The following SOX5 variants were observed in gnomAD, a reference collection of about 807,000 sequenced individuals.
SOX5 encodes transcription factor SOX-5.
Under a neutral mutation model 92.0 loss-of-function variants are expected in SOX5, and 9 were observed. The ratio of observed to expected loss-of-function variants is 0.10; its 90% confidence interval spans 0.06 to 0.17. SOX5 has a LOEUF of 0.17. Among genes scored for constraint, SOX5 ranks in the 10% least tolerant of loss-of-function variants. The pLI is 1.00. For missense variants in SOX5, 642 were observed against 944.5 expected, an observed-to-expected ratio of 0.68 and a Z score of 4.20; for synonymous variants, 344 against 336.3, an observed-to-expected ratio of 1.02 and a Z score of -0.25.
At chr12:23,797,815 T>C (rs944311365) in intron 3 of SOX5, among the ~76,000 whole-genome samples, 3 of 152,106 alleles carry the variant, frequency 2.0e-5, no homozygotes, top group East Asian at 1.9e-4. Context: ...TACTGTACAA[T>C]GTAGCCTCTC....
chr12:23,873,254 A>G (rs770204419), intron 2 of SOX5, among the ~76,000 whole-genome samples: 32 of 152,280 alleles, frequency 2.1e-4, no homozygotes, highest in Non-Finnish European at 4.3e-4. Flanking sequence ...GCTTGAGCCT[A>G]GGAATTCAAG....
chr12:24,311,532 C>G (rs746800776), intron 2 of SOX5, among the ~76,000 whole-genome samples: 1 of 152,080 alleles, frequency 6.6e-6, no homozygotes, highest in Non-Finnish European at 1.5e-5. Context: ...CATTATATTA[C>G]ACAAATTAAT....
At chr12:24,204,160 T>C (rs1363145516) in intron 4 of SOX5, among the ~76,000 whole-genome samples, 2 of 152,092 alleles carry the variant, frequency 1.3e-5, no homozygotes, top group Non-Finnish European at 2.9e-5. Flanking sequence ...CATACATACT[T>C]TCTTATTTTA....
At chr12:23,548,235 A>T (rs1204725341) in intron 11 of SOX5, among the ~76,000 whole-genome samples, 2 of 152,056 alleles carry the variant, frequency 1.3e-5, no homozygotes, top group Non-Finnish European at 2.9e-5. Flanking sequence ...AAAGTAGAAA[A>T]AGAACGACAC....
chr12:24,238,466 C>T (rs1298752449), intron 3 of SOX5, among the ~76,000 whole-genome samples: 1 of 152,208 alleles, frequency 6.6e-6, no homozygotes, highest in East Asian at 1.9e-4. Flanking sequence ...ATCCTCCCAC[C>T]TCAACCTCCA....
intron 8 of SOX5, among the ~76,000 whole-genome samples, chr12:23,616,464 C>T (rs1381399441): frequency 6.6e-6 from 1 of 152,100 alleles, no homozygotes; most frequent in Admixed American, 6.6e-5. Context: ...CTGGAGTCCC[C>T]GTTGGGGAAG....
chr12:24,506,879 C>T (rs1440008338), intron 1 of SOX5, among the ~76,000 whole-genome samples: 2 of 149,162 alleles, frequency 1.3e-5, no homozygotes, highest in East Asian at 2.0e-4. Flanking sequence ...TAAGCTCCGC[C>T]TCCCGGGTTC....
intron 6 of SOX5, among the ~76,000 whole-genome samples, chr12:23,711,911 T>C (rs1013882855): frequency 1.3e-5 from 2 of 152,182 alleles, no homozygotes; most frequent in Non-Finnish European, 2.9e-5. Context: ...TACCCTCTTT[T>C]AGCTGGGCAC....
intron 3 of SOX5, among the ~76,000 whole-genome samples, chr12:23,811,414 C>T (rs776997369): frequency 5.1e-4 from 77 of 152,132 alleles, no homozygotes; most frequent in Non-Finnish European, 8.2e-4. Flanking sequence ...CAATACCTGC[C>T]CTATTTAAAA....
intron 4 of SOX5, among the ~76,000 whole-genome samples, chr12:24,128,783 T>A (rs1949361383): frequency 6.6e-6 from 1 of 152,206 alleles, no homozygotes; most frequent in Non-Finnish European, 1.5e-5. Context: ...AATAACATGA[T>A]ATGATTATAA....
At chr12:23,678,342 AGCACAAAG>A (rs1291680042) in intron 6 of SOX5, among the ~76,000 whole-genome samples, 1 of 152,156 alleles carries the variant, frequency 6.6e-6, no homozygotes, top group South Asian at 2.1e-4. Context: ...TATACTTTCC[AGCACAAAG>A]CACTGTAACC....
intron 3 of SOX5, among the ~76,000 whole-genome samples, chr12:24,275,103 A>T (rs759543384): frequency 6.6e-6 from 1 of 152,182 alleles, no homozygotes; most frequent in Admixed American, 6.5e-5. Context: ...GAACAGAGAT[A>T]TATATAGTGT....
chr12:24,397,420 G>A (rs1248318727), intron 1 of SOX5, among the ~76,000 whole-genome samples: 1 of 152,084 alleles, frequency 6.6e-6, no homozygotes, highest in East Asian at 1.9e-4. Flanking sequence ...AGTATTTAAT[G>A]TACATATAAA....
chr12:23,966,988 T>C (rs1947659479), intron 4 of SOX5, among the ~76,000 whole-genome samples: 1 of 152,132 alleles, frequency 6.6e-6, no homozygotes, highest in Admixed American at 6.5e-5. Context: ...AAAAGAGCAA[T>C]GAGATGCTTT....
chr12:23,984,128 T>C (rs534755085), intron 4 of SOX5, among the ~76,000 whole-genome samples: 3 of 152,260 alleles, frequency 2.0e-5, no homozygotes, highest in South Asian at 2.1e-4. Flanking sequence ...ATTTAGTAAC[T>C]TTCTATTGAA....
At chr12:24,547,953 T>C (rs1952803525) in intron 1 of SOX5, among the ~76,000 whole-genome samples, 2 of 152,192 alleles carry the variant, frequency 1.3e-5, no homozygotes, top group South Asian at 4.1e-4. Flanking sequence ...AAAGTAGTAA[T>C]AAGACACAGG....
intron 4 of SOX5, among the ~76,000 whole-genome samples, chr12:24,104,739 C>T (rs1006089478): frequency 6.6e-6 from 1 of 152,224 alleles, no homozygotes; most frequent in Non-Finnish European, 1.5e-5. Context: ...TGCCAAAGGG[C>T]ATTTTTGCAG....
chr12:23,804,677 G>A (rs1179429806), intron 3 of SOX5, among the ~76,000 whole-genome samples: 1 of 151,456 alleles, frequency 6.6e-6, no homozygotes, highest in African/African-American at 2.4e-5. Flanking sequence ...TATGCTCTTA[G>A]TTGAACTATT....
chr12:24,321,447 A>G (rs1227299062), intron 2 of SOX5, among the ~76,000 whole-genome samples: 1 of 152,252 alleles, frequency 6.6e-6, no homozygotes, highest in African/African-American at 2.4e-5. Flanking sequence ...CAAACATTTA[A>G]CATTCTAATT....
Sources: gnomAD v4.1 joint callset for allele counts (sites outside exome capture counted in the v4.1 genomes callset) on GRCh38, gnomAD v4.1.1 for gene constraint, MANE v1.5 for transcripts, NCBI Gene and HGNC (gene_info 2026-07-23, HGNC 2026-07-21) for gene names.